Variants in NDUFA13 observed in about 807,000 individuals in gnomAD.
The protein encoded by NDUFA13 is NADH:ubiquinone oxidoreductase subunit A13, also known as NADH dehydrogenase [ubiquinone] 1 alpha subcomplex subunit 13.
A neutral mutation model predicts 17.0 loss-of-function variants in NDUFA13; 16 were observed. The ratio of observed to expected loss-of-function variants is 0.94; its 90% CI spans 0.64 to 1.43. NDUFA13 has a LOEUF of 1.43. NDUFA13 is among the 40% of genes most tolerant of loss of function. The probability of loss-of-function intolerance (pLI) is 0.00; values close to 1 mark genes in which losing one functional copy is unlikely to be tolerated. For synonymous variants in NDUFA13, 87 were observed against 78.4 expected (o/e 1.11, Z -0.58); for missense variants, 228 against 206.7 (o/e 1.10, Z -0.63).
At chr19:19,520,377 A>G (rs10409927) in intron 1 of NDUFA13, among the ~76,000 whole-genome samples, 11,682 of 152,248 alleles carry the variant, frequency 0.077, 1,530 homozygotes, top group African/African-American at 0.27. Context: ...CATGCCTGTA[A>G]TCTCAGCCCT....
At chr19:19,524,662 CTGGCG>C (rs1371043548) in intron 1 of NDUFA13, among the ~76,000 whole-genome samples, 4 of 152,114 alleles carry the variant, frequency 2.6e-5, no homozygotes, top group Admixed American at 6.5e-5. Context: ...AAAAATTAGC[CTGGCG>C]TGGTGGTGGG....
chr19:19,528,106 G>A lies in NDUFA13; in HGVS notation c.415G>A (p.Gly139Ser), dbSNP rs1283817548. 30 of 1,611,656 alleles carry A rather than the reference G, an allele frequency of 1.9e-5. No individual in the cohort carries two copies. The highest frequency in any genetic ancestry group is 5.0e-5 in the Admixed American group (3 of 59,972). ...TTEEALHASH[G>S]FMWYT Reference sequence around the variant, plus strand: ...AGAGGAGGCTCTCCATGCCAGCCACGGCTTCATGTGGTACACGTAGGCCCT... The same window carrying A: ...AGAGGAGGCTCTCCATGCCAGCCACAGCTTCATGTGGTACACGTAGGCCCT... Residue 139 changes from glycine to serine, a missense_variant, in exon 5 of 5, where the codon GGC (glycine) becomes AGC (serine). Coordinates refer to ENST00000507754, the MANE Select transcript of NDUFA13 (RefSeq NM_015965.7).
intron 1 of NDUFA13, among the ~76,000 whole-genome samples, chr19:19,523,120 A>C (rs1427534279): frequency 6.6e-6 from 1 of 152,226 alleles, no homozygotes; most frequent in East Asian, 1.9e-4. Context: ...TTGCATTTCC[A>C]TATGAATTTC....
At chr19:19,520,832 A>G (rs2061073719) in intron 1 of NDUFA13, among the ~76,000 whole-genome samples, 1 of 152,080 alleles carries the variant, frequency 6.6e-6, no homozygotes. Flanking sequence ...TGTTCTGGCC[A>G]TTTCCTATCA....
At chr19:19,523,170 G>T (rs2061085731) in intron 1 of NDUFA13, among the ~76,000 whole-genome samples, 1 of 152,262 alleles carries the variant, frequency 6.6e-6, no homozygotes, top group Admixed American at 6.5e-5. Context: ...AAAAGAAATG[G>T]TTGGGATTCT....
At chr19:19,527,631 C>T in intron 3 of NDUFA13, 70 bp from the exon 4 acceptor site, 1 of 1,244,954 alleles carries the variant, frequency 8.0e-7, no homozygotes, top group East Asian at 2.5e-5. Context: ...AGGGGTGCTA[C>T]TAGGGGCCCT....
chr19:19,525,174 A>C (rs2144643810), intron 1 of NDUFA13, among the ~76,000 whole-genome samples: 1 of 152,348 alleles, frequency 6.6e-6, no homozygotes, highest in African/African-American at 2.4e-5. Flanking sequence ...CTGAGCCCGG[A>C]CCCAGCACAC....
chr19:19,527,992 C>G lies in NDUFA13; in HGVS notation c.316-15C>G. ...GGGTGGCTGTGCCTCTACCCATACC[C>G]CACTGTCCCCACAGGTGGGGGAGTC... On this transcript the variant is annotated splice_polypyrimidine_tract_variant and intron_variant, in intron 4 of 4. Coordinates refer to ENST00000507754, the MANE Select transcript of NDUFA13 (RefSeq NM_015965.7). 1 of 1,612,532 alleles carries G rather than the reference C, an allele frequency of 6.2e-7. No homozygotes were observed. The highest frequency in any genetic ancestry group is 8.5e-7 in the Non-Finnish European group (1 of 1,179,868).
At chr19:19,524,685 A>AT (rs2061092666) in intron 1 of NDUFA13, among the ~76,000 whole-genome samples, 1 of 152,134 alleles carries the variant, frequency 6.6e-6, no homozygotes, top group South Asian at 2.1e-4. Context: ...GGGCGCCTGT[A>AT]GTCCCAACTA....
intron 1 of NDUFA13, 174 bp from the exon 2 acceptor site, chr19:19,526,008 T>G: frequency 2.7e-6 from 4 of 1,476,566 alleles, no homozygotes; most frequent in Non-Finnish European, 3.6e-6. Context: ...GGTTGCTGCC[T>G]GGCTTGTACC....
At chr19:19,518,729 A>ATTTTTTTTTTTTTT (rs566386690) in intron 1 of NDUFA13, among the ~76,000 whole-genome samples, 2 of 34,126 alleles carry the variant, frequency 5.9e-5, no homozygotes, top group Non-Finnish European at 1.2e-4. Flanking sequence ...ATGCCCTGCG[A>ATTTTTTTTTTTTTT]TTTTTTTTTT....
intron 1 of NDUFA13, among the ~76,000 whole-genome samples, chr19:19,519,935 G>C (rs887924312): frequency 2.6e-5 from 4 of 151,762 alleles, no homozygotes; most frequent in East Asian, 1.9e-4. Flanking sequence ...CAGCGTCCCA[G>C]GACATGATGG....
chr19:19,527,793 G>C, intron 4 of NDUFA13, 23 bp downstream of exon 4: 2 of 1,550,786 alleles, frequency 1.3e-6, no homozygotes, highest in Admixed American at 2.0e-5. Context: ...TGGGAGGGCA[G>C]AGGTGCCAGC....
intron 1 of NDUFA13, among the ~76,000 whole-genome samples, chr19:19,520,749 AC>A (rs1386681235): frequency 1.3e-5 from 2 of 151,634 alleles, no homozygotes; most frequent in African/African-American, 4.9e-5. Context: ...CCCAAAAGAA[AC>A]CCCGTCTTCC....
At chr19:19,522,495 T>C (rs2061082457) in intron 1 of NDUFA13, among the ~76,000 whole-genome samples, 1 of 144,326 alleles carries the variant, frequency 6.9e-6, no homozygotes, top group Non-Finnish European at 1.5e-5. Flanking sequence ...TTTTTTTTTT[T>C]TGAGATGGAG....
intron 1 of NDUFA13, among the ~76,000 whole-genome samples, chr19:19,522,492 T>TTTTTTTTC: frequency 7.1e-6 from 1 of 140,132 alleles, no homozygotes; most frequent in Non-Finnish European, 1.5e-5. Flanking sequence ...TTTTTTTTTT[T>TTTTTTTTC]TTTTGAGATG....
At chr19:19,519,924 C>T (rs929373957) in intron 1 of NDUFA13, among the ~76,000 whole-genome samples, 4 of 152,094 alleles carry the variant, frequency 2.6e-5, no homozygotes, top group Non-Finnish European at 4.4e-5. Flanking sequence ...TCACTCACTG[C>T]CAGCGTCCCA....
At chr19:19,523,186 G>C (rs2061085837) in intron 1 of NDUFA13, among the ~76,000 whole-genome samples, 1 of 152,260 alleles carries the variant, frequency 6.6e-6, no homozygotes, top group Non-Finnish European at 1.5e-5. Context: ...ATTCTGATGG[G>C]GATTGCGTTT....
intron 1 of NDUFA13, 51 bp downstream of exon 1, chr19:19,516,383 G>A (rs765436325): frequency 1.9e-6 from 3 of 1,597,678 alleles, no homozygotes; most frequent in Non-Finnish European, 1.7e-6. Context: ...TCGGGGCTCG[G>A]GGGCGGGGTT....
Sources: gnomAD v4.1 joint callset for allele counts (sites outside exome capture counted in the v4.1 genomes callset) on GRCh38, gnomAD v4.1.1 for gene constraint, MANE v1.5 for transcripts, NCBI Gene and HGNC (gene_info 2026-07-23, HGNC 2026-07-21) for gene names.